Variants in PYGO1 observed in about 807,000 individuals in gnomAD.
The protein encoded by PYGO1 is pygopus homolog 1.
PYGO1 carries 6 observed loss-of-function variants against 29.5 expected under a neutral mutation model. The ratio of observed to expected loss-of-function variants is 0.20; its 90% CI spans 0.11 to 0.40. The LOEUF (loss-of-function observed/expected upper bound fraction) is 0.40. PYGO1 is among the 10% of genes least tolerant of loss of function. The pLI, the probability that PYGO1 is intolerant of heterozygous loss-of-function variation, is 1.00. For synonymous variants in PYGO1, 186 were observed against 180.5 expected (o/e 1.03, Z -0.24); for missense variants, 515 against 514.9 (o/e 1.00, Z 0.00).
At chr15:55,567,196 C>CTTTTT (rs1567056546) in intron 1 of PYGO1, among the ~76,000 whole-genome samples, 3 of 31,970 alleles carry the variant, frequency 9.4e-5, no homozygotes, top group South Asian at 2.2e-3. Context: ...CTTTTGCCCA[C>CTTTTT]CTTTTTTTTT....
chr15:55,567,389 G>A (rs1011476185), intron 1 of PYGO1, among the ~76,000 whole-genome samples: 3 of 151,174 alleles, frequency 2.0e-5, no homozygotes, highest in Admixed American at 1.3e-4. Context: ...TTTATTTTTT[G>A]TAGAGACAGG....
At chr15:55,558,903 C>T (rs572216256) in intron 1 of PYGO1, among the ~76,000 whole-genome samples, 101 of 151,784 alleles carry the variant, frequency 6.7e-4, no homozygotes, top group African/African-American at 2.4e-3. Context: ...CTAGGCAATA[C>T]CATTCAGGAC....
chr15:55,544,848 A>T lies in PYGO1; in HGVS notation c.*1175T>A, dbSNP rs1443449548. Reference sequence around the variant, plus strand: ...ATGGATTTCTGCTGTTTTGAATCTTAATGAGCACAACTCCAACTGTCTCCA... The same window carrying T: ...ATGGATTTCTGCTGTTTTGAATCTTTATGAGCACAACTCCAACTGTCTCCA... On this transcript the variant is annotated 3_prime_UTR_variant, in exon 3 of 3. Transcript: ENST00000563719. 1 of 151,986 alleles carries T rather than the reference A, an allele frequency of 6.6e-6. No homozygotes were observed. The highest frequency in any genetic ancestry group is 1.5e-5 in the Non-Finnish European group (1 of 68,014). The allele number at this position is 151,986 out of a possible 1,614,324, so 9.4% of individuals were successfully genotyped here. A position where few individuals can be genotyped will look rare whatever the true frequency, so the allele number is the denominator to read the frequency against.
At chr15:55,551,307 G>A (rs1233609734) in intron 1 of PYGO1, among the ~76,000 whole-genome samples, 1 of 152,146 alleles carries the variant, frequency 6.6e-6, no homozygotes, top group Non-Finnish European at 1.5e-5. Context: ...TTCTTTAACA[G>A]TTGTATTAAT....
upstream of PYGO1, chr15:55,588,770 G>A (rs1175863722): frequency 5.6e-6 from 9 of 1,607,538 alleles, no homozygotes; most frequent in African/African-American, 6.7e-5. Context: ...AGGCGTCTCG[G>A]CCTCGCAGCT....
intron 1 of PYGO1, among the ~76,000 whole-genome samples, chr15:55,570,329 T>C (rs2058975086): frequency 6.6e-6 from 1 of 152,204 alleles, no homozygotes; most frequent in African/African-American, 2.4e-5. Flanking sequence ...ATCTGCCATC[T>C]TGGGGAAAAA....
chr15:55,557,106 AAAG>A (rs1197211422), intron 1 of PYGO1, among the ~76,000 whole-genome samples: 2 of 151,664 alleles, frequency 1.3e-5, no homozygotes, highest in Non-Finnish European at 3.0e-5. Context: ...GACGACTAAT[AAAG>A]AAGAAAAGAG....
chr15:55,558,011 T>G (rs4774786), intron 1 of PYGO1, among the ~76,000 whole-genome samples: 134,717 of 152,090 alleles, frequency 0.89, 59,759 homozygotes, highest in Admixed American at 0.92. Context: ...AATCAGGCAG[T>G]AGAAAGAAAT....
intron 1 of PYGO1, among the ~76,000 whole-genome samples, chr15:55,563,401 C>G (rs1359173274): frequency 7.2e-6 from 1 of 138,218 alleles, no homozygotes; most frequent in East Asian, 2.2e-4. Context: ...AAGTCTTGCT[C>G]TGTCGCCCAG....
chr15:55,565,497 A>G (rs1025265700), intron 1 of PYGO1, among the ~76,000 whole-genome samples: 2 of 152,108 alleles, frequency 1.3e-5, no homozygotes, highest in Admixed American at 1.3e-4. Flanking sequence ...TGAGGTCAGG[A>G]GTTCGAGACC....
At chr15:55,587,483 G>A (rs560585134) in intron 1 of PYGO1, among the ~76,000 whole-genome samples, 35 of 152,044 alleles carry the variant, frequency 2.3e-4, no homozygotes, top group Middle Eastern at 3.4e-3. Flanking sequence ...GGTGGGCACC[G>A]TTCGAGGTCT....
At position 55,546,877 on chromosome 15, in the gene PYGO1, G is replaced by T; in HGVS notation, c.406C>A (p.Leu136Met). The change falls in exon 3 of 3, where the codon CTG (leucine) becomes ATG (methionine). Residue 136 changes from leucine (L) to methionine (M), a missense_variant. Coordinates refer to ENST00000563719, the MANE Select transcript of PYGO1 (RefSeq NM_001367806.1). ...NQPHPFPQNPLGMGFNRPHAF... is the reference protein window; with the variant it reads ...NQPHPFPQNPMGMGFNRPHAF... ...TGAGGTCGATTAAAACCCATGCCCA[G>T]AGGATTCTGAGGAAATGGGTGTGGC... 6.2e-7 allele frequency: 1 copy of T among 1,614,134 alleles called. No homozygotes were observed. The highest frequency in any genetic ancestry group is 8.5e-7 in the Non-Finnish European group (1 of 1,180,024).
chr15:55,549,029 C>T (rs2058866899), intron 1 of PYGO1, 34 bp from the exon 2 acceptor site: 2 of 1,522,102 alleles, frequency 1.3e-6, no homozygotes. Flanking sequence ...ATATTTCCCA[C>T]TTGTAAGTGA....
intron 1 of PYGO1, among the ~76,000 whole-genome samples, chr15:55,549,399 G>T (rs961182825): frequency 4.6e-5 from 7 of 152,144 alleles, no homozygotes; most frequent in Admixed American, 4.6e-4. Flanking sequence ...TACACACAGT[G>T]TACCTTGCTT....
chr15:55,550,071 A>C (rs2058871951), intron 1 of PYGO1, among the ~76,000 whole-genome samples: 1 of 152,204 alleles, frequency 6.6e-6, no homozygotes, highest in Admixed American at 6.5e-5. Context: ...TCCTTCATAT[A>C]ATTTCATACC....
At position 55,567,335 on chromosome 15, in the gene PYGO1, G is replaced by A. The variant is rs368439439; in HGVS notation, c.50-18340C>T. Among the ~76,000 whole-genome samples the A allele has an allele frequency of 9.4e-5, 14 of 148,554 alleles. No individual in the cohort carries two copies. In the East Asian group the frequency reaches 1.8e-3, roughly 19 times the overall value. On this transcript the variant is annotated intron_variant, in intron 1 of 2. Transcript: ENST00000563719. ...AGATTCTCCTACCTCAGCTGCCCAC[G>A]TGTCTGGGACCACAAGCATGTGCCA...
chr15:55,550,229 C>T (rs11635978), intron 1 of PYGO1, among the ~76,000 whole-genome samples: 8,278 of 152,266 alleles, frequency 0.054, 280 homozygotes, highest in Middle Eastern at 0.068. Flanking sequence ...CTGAACCAGG[C>T]TGATTATTGT....
At chr15:55,575,967 T>C (rs1318272075) in intron 1 of PYGO1, among the ~76,000 whole-genome samples, 1 of 152,218 alleles carries the variant, frequency 6.6e-6, no homozygotes, top group African/African-American at 2.4e-5. Context: ...TTCTCACAGT[T>C]GCTATCTCTG....
intron 1 of PYGO1, among the ~76,000 whole-genome samples, chr15:55,549,644 A>G (rs1435816379): frequency 6.6e-6 from 1 of 152,228 alleles, no homozygotes; most frequent in Non-Finnish European, 1.5e-5. Flanking sequence ...CATCAAAGGT[A>G]TGTGCCTTTT....
Sources: gnomAD v4.1 joint callset for allele counts (sites outside exome capture counted in the v4.1 genomes callset) on GRCh38, gnomAD v4.1.1 for gene constraint, MANE v1.5 for transcripts, NCBI Gene and HGNC (gene_info 2026-07-23, HGNC 2026-07-21) for gene names.